The following ST3GAL3 variants were observed in gnomAD, a reference collection of about 807,000 sequenced individuals.
The protein encoded by ST3GAL3 is CMP-N-acetylneuraminate-beta-1,4-galactoside alpha-2,3-sialyltransferase.
ST3GAL3 carries 21 observed loss-of-function variants against 50.1 expected under a neutral mutation model. The ratio of observed to expected loss-of-function variants is 0.42; its 90% confidence interval spans 0.30 to 0.60. The LOEUF (loss-of-function observed/expected upper bound fraction) is 0.60. Among genes scored for constraint, ST3GAL3 ranks in the 20% least tolerant of loss-of-function variants. ST3GAL3 has a pLI of 0.19. For synonymous variants in ST3GAL3, 183 were observed against 190.0 expected (o/e 0.96, Z 0.30); for missense variants, 353 against 489.4 (o/e 0.72, Z 2.63).
intron 9 of ST3GAL3, among the ~76,000 whole-genome samples, chr1:43,901,703 C>G (rs1270996108): frequency 6.6e-6 from 1 of 152,174 alleles, no homozygotes; most frequent in Non-Finnish European, 1.5e-5. Flanking sequence ...GGACGAGGCA[C>G]AGGCACAGGC....
At chr1:43,851,062 A>T (rs1231990180) in intron 5 of ST3GAL3, 3 of 865,070 alleles carry the variant, frequency 3.5e-6, no homozygotes, top group Non-Finnish European at 6.0e-6. Context: ...CATGTCCACC[A>T]TGAGATACAC....
At chr1:43,744,784 C>A (rs1367457992) in intron 2 of ST3GAL3, among the ~76,000 whole-genome samples, 1 of 151,198 alleles carries the variant, frequency 6.6e-6, no homozygotes, top group Non-Finnish European at 1.5e-5. Context: ...GGCGGGATCA[C>A]CTGAGGTCAG....
chr1:43,902,692 C>T (rs995617399), intron 9 of ST3GAL3, among the ~76,000 whole-genome samples: 2 of 152,190 alleles, frequency 1.3e-5, no homozygotes, highest in Admixed American at 6.5e-5. Flanking sequence ...GATGGGCAAG[C>T]ACAGCACGGA....
chr1:43,740,818 G>A (rs1680560358), intron 2 of ST3GAL3, among the ~76,000 whole-genome samples: 1 of 143,844 alleles, frequency 7.0e-6, no homozygotes, highest in Non-Finnish European at 1.5e-5. Flanking sequence ...CTTGTCTTAA[G>A]AAAGAAAGAG....
At chr1:43,755,665 A>T (rs1433545137) in intron 2 of ST3GAL3, among the ~76,000 whole-genome samples, 1 of 152,188 alleles carries the variant, frequency 6.6e-6, no homozygotes, top group Non-Finnish European at 1.5e-5. Context: ...ATATACAAAA[A>T]CTATATGGAC....
At chr1:43,751,213 T>C (rs1572106205) in intron 2 of ST3GAL3, among the ~76,000 whole-genome samples, 1 of 152,208 alleles carries the variant, frequency 6.6e-6, no homozygotes, top group East Asian at 1.9e-4. Flanking sequence ...TTTTTCCATA[T>C]TGGCAGTACC....
At chr1:43,929,808 A>G (rs1000431205) in intron 11 of ST3GAL3, among the ~76,000 whole-genome samples, 1 of 152,152 alleles carries the variant, frequency 6.6e-6, no homozygotes, top group Admixed American at 6.5e-5. Context: ...GCTTCATGAC[A>G]AGAAGTGGCT....
At chr1:43,863,229 C>T (rs987177508) in intron 5 of ST3GAL3, among the ~76,000 whole-genome samples, 8 of 152,302 alleles carry the variant, frequency 5.3e-5, no homozygotes, top group Admixed American at 5.2e-4. Flanking sequence ...GGTACTCCCT[C>T]ACAGCTGCAT....
rs139303927 is a variant in ST3GAL3 at position 43,876,971 on chromosome 1, C to A, written c.303-17412C>A. On this transcript the variant is annotated intron_variant, in intron 5 of 11. Coordinates refer to ENST00000347631, the MANE Select transcript of ST3GAL3 (RefSeq NM_006279.5). Reference sequence around the variant, plus strand: ...GGAGGCGAGCAGAGGTGAAAAATGGCAGAAATAGTAGGAATACCAGCCTCT... The same window carrying A: ...GGAGGCGAGCAGAGGTGAAAAATGGAAGAAATAGTAGGAATACCAGCCTCT... Among the ~76,000 whole-genome samples the A allele has an allele frequency of 3.3e-3, 507 of 152,284 alleles. 4 individuals carry two copies. The highest frequency in any genetic ancestry group is 0.012 in the African/African-American group (483 of 41,566).
Position 43,899,317 on chromosome 1 carries a change from C to T in ST3GAL3, c.557+54C>T, listed in dbSNP as rs1198352012. The T allele has an allele frequency of 6.2e-7, 1 of 1,613,910 alleles. No individual in the cohort carries two copies. Among genetic ancestry groups the T allele is most frequent in the Admixed American group, 1.7e-5 (1 of 60,010 alleles). ...GAGTGTCGTGGCCCCAACCCTTAGT[C>T]CTGAGCCCATTGAGAACTGTCTGTC... is the stretch of plus-strand genomic sequence containing the variant. On this transcript the variant is annotated intron_variant, in intron 8 of 11. Transcript: ENST00000347631. This position sits in a 1 kb window ranked among gnomAD's most constrained non-coding sequence, Gnocchi z 5.4.
At chr1:43,815,084 A>T (rs1322766504) in intron 4 of ST3GAL3, 151 bp downstream of exon 4, 1 of 828,890 alleles carries the variant, frequency 1.2e-6, no homozygotes, top group African/African-American at 1.7e-5. Flanking sequence ...ATCTTGGGGC[A>T]TGTTACAGTC....
At chr1:43,844,673 G>A (rs569716348) in intron 5 of ST3GAL3, among the ~76,000 whole-genome samples, 57 of 152,216 alleles carry the variant, frequency 3.7e-4, no homozygotes, top group Middle Eastern at 6.8e-3. Flanking sequence ...TTAGCCGGGC[G>A]TGGTGGCGGG....
chr1:43,905,693 C>T (rs1161996505), intron 9 of ST3GAL3, among the ~76,000 whole-genome samples: 1 of 39,106 alleles, frequency 2.6e-5, no homozygotes, highest in East Asian at 8.7e-4. Flanking sequence ...CCTCCTTCTG[C>T]CCCCCTTCCC....
intron 4 of ST3GAL3, among the ~76,000 whole-genome samples, chr1:43,825,451 C>A (rs1460718382): frequency 3.3e-5 from 5 of 152,096 alleles, no homozygotes; most frequent in Non-Finnish European, 7.3e-5. Flanking sequence ...AAATCTCAGC[C>A]AATTGAAGAA....
chr1:43,878,031 A>G (rs2074415759), intron 5 of ST3GAL3, among the ~76,000 whole-genome samples: 1 of 152,208 alleles, frequency 6.6e-6, no homozygotes, highest in Admixed American at 6.5e-5. Flanking sequence ...GTTCAAAGTC[A>G]GTATTCCTGG....
chr1:43,775,075 C>T (rs886979139), intron 2 of ST3GAL3, among the ~76,000 whole-genome samples: 1 of 152,218 alleles, frequency 6.6e-6, no homozygotes, highest in Admixed American at 6.5e-5. Flanking sequence ...GATTCTGGCG[C>T]GTTCTCTTTC....
intron 9 of ST3GAL3, among the ~76,000 whole-genome samples, chr1:43,901,723 A>G (rs2078304690): frequency 6.6e-6 from 1 of 152,146 alleles, no homozygotes; most frequent in Admixed American, 6.5e-5. Context: ...CTCACTCTTG[A>G]TGACATCTGT....
chr1:43,743,591 CAGTG>C (rs2154099841), intron 2 of ST3GAL3: 2 of 358,240 alleles, frequency 5.6e-6, no homozygotes, highest in South Asian at 4.5e-5. Context: ...GAGGGTCTGT[CAGTG>C]AGGCAGATCA....
At chr1:43,907,659 T>C (rs2080044099) in intron 9 of ST3GAL3, among the ~76,000 whole-genome samples, 1 of 152,118 alleles carries the variant, frequency 6.6e-6, no homozygotes, top group Admixed American at 6.6e-5. Context: ...CTACCATCCC[T>C]CCTGTGCCTC....
Sources: gnomAD v4.1 joint callset for allele counts (sites outside exome capture counted in the v4.1 genomes callset) on GRCh38, gnomAD v4.1.1 for gene constraint, Gnocchi (gnomAD v3.1) non-coding constraint, MANE v1.5 for transcripts, NCBI Gene and HGNC (gene_info 2026-07-23, HGNC 2026-07-21) for gene names.